The following GALNTL6 variants were observed in gnomAD, a reference collection of about 807,000 sequenced individuals.
GALNTL6 encodes polypeptide N-acetylgalactosaminyltransferase like 6.
GALNTL6 carries 46 observed loss-of-function variants against 73.7 expected under a neutral mutation model. That is an observed-to-expected ratio of 0.62 (90% CI 0.49 to 0.80). The LOEUF is 0.80. Ranked by LOEUF, GALNTL6 falls within the 30% of genes least tolerant of loss-of-function variation. The pLI, the probability that GALNTL6 is intolerant of heterozygous loss-of-function variation, is 0.00. For synonymous variants in GALNTL6, 259 were observed against 263.7 expected, an observed-to-expected ratio of 0.98 and a Z score of 0.17; for missense variants, 604 against 755.0, an observed-to-expected ratio of 0.80 and a Z score of 2.34.
chr4:172,424,897 T>C (rs1392568561), intron 5 of GALNTL6, among the ~76,000 whole-genome samples: 3 of 59,094 alleles, frequency 5.1e-5, no homozygotes, highest in African/African-American at 1.8e-4. Context: ...GAAATTTTAG[T>C]CATAGAAAAC....
At chr4:171,861,126 C>A (rs1488946768) in intron 2 of GALNTL6, among the ~76,000 whole-genome samples, 1 of 152,138 alleles carries the variant, frequency 6.6e-6, no homozygotes, top group African/African-American at 2.4e-5. Flanking sequence ...GCAGTCTAAG[C>A]CTCCTCAGCT....
chr4:172,378,320 C>T (rs1475622042), intron 5 of GALNTL6, among the ~76,000 whole-genome samples: 1 of 152,174 alleles, frequency 6.6e-6, no homozygotes, highest in East Asian at 1.9e-4. Flanking sequence ...GAAAAAGGAC[C>T]TTGCTTCAGC....
rs200716126 is a variant in GALNTL6, at chr4:172,540,187, A to T, written c.553+191498A>T. ...TGCCTCAGCCTCCCGAGTAGCTGGG[A>T]CTACAGGCGTATGCCACCAGGCCTG... On this transcript the variant is annotated intron_variant, in intron 5 of 12. Coordinates refer to ENST00000506823, the MANE Select transcript of GALNTL6 (RefSeq NM_001034845.3). Among the ~76,000 whole-genome samples the T allele has an allele frequency of 8.1e-4, 123 of 151,442 alleles. 3 individuals are homozygous for T. In the South Asian group the frequency reaches 0.017, roughly 21 times the overall value.
intron 5 of GALNTL6, among the ~76,000 whole-genome samples, chr4:172,800,418 A>T (rs548226768): frequency 6.6e-4 from 100 of 152,318 alleles, no homozygotes; most frequent in African/African-American, 2.4e-3. Flanking sequence ...ATTATGTGGT[A>T]TATTCTCCTA....
At chr4:172,168,774 A>G (rs1734717057) in intron 2 of GALNTL6, among the ~76,000 whole-genome samples, 1 of 152,196 alleles carries the variant, frequency 6.6e-6, no homozygotes, top group African/African-American at 2.4e-5. Flanking sequence ...ATTACAGGCC[A>G]AAACATAAAG....
chr4:172,573,784 C>A (rs748784660), intron 5 of GALNTL6, among the ~76,000 whole-genome samples: 12 of 152,094 alleles, frequency 7.9e-5, no homozygotes, highest in Non-Finnish European at 1.6e-4. Flanking sequence ...AATGTAAAAT[C>A]TTTTATTCAG....
intron 2 of GALNTL6, among the ~76,000 whole-genome samples, chr4:172,062,036 C>A (rs1465832671): frequency 6.7e-6 from 1 of 148,866 alleles, no homozygotes; most frequent in South Asian, 2.1e-4. Context: ...GCAACTTCTG[C>A]CCCCCCAGGT....
intron 10 of GALNTL6, among the ~76,000 whole-genome samples, chr4:172,988,165 C>G (rs1002253102): frequency 6.6e-6 from 1 of 152,094 alleles, no homozygotes; most frequent in Non-Finnish European, 1.5e-5. Context: ...ATTGTTGCAA[C>G]CAAAATGCCA....
At chr4:171,984,907 C>CT (rs1193978710) in intron 2 of GALNTL6, among the ~76,000 whole-genome samples, 1 of 151,800 alleles carries the variant, frequency 6.6e-6, no homozygotes, top group Non-Finnish European at 1.5e-5. Flanking sequence ...AATCCCAGCA[C>CT]TTTGGGAGGT....
intron 2 of GALNTL6, among the ~76,000 whole-genome samples, chr4:171,942,572 A>G (rs1327664137): frequency 6.6e-6 from 1 of 152,200 alleles, no homozygotes; most frequent in Non-Finnish European, 1.5e-5. Flanking sequence ...TCTGTTTATG[A>G]TTCATCTACT....
intron 5 of GALNTL6, among the ~76,000 whole-genome samples, chr4:172,557,463 C>T (rs535300403): frequency 2.6e-5 from 4 of 152,106 alleles, no homozygotes; most frequent in South Asian, 2.1e-4. Context: ...ATGCAAGGCA[C>T]GGACTGGGAG....
chr4:172,957,732 T>C (rs996784784), intron 10 of GALNTL6, among the ~76,000 whole-genome samples: 10 of 152,212 alleles, frequency 6.6e-5, no homozygotes, highest in African/African-American at 2.4e-4. Context: ...AGAGTCAGTA[T>C]AAATATTGAC....
intron 4 of GALNTL6, among the ~76,000 whole-genome samples, chr4:172,331,361 C>T (rs1197401297): frequency 6.6e-6 from 1 of 152,018 alleles, no homozygotes; most frequent in African/African-American, 2.4e-5. Context: ...CTCACTGCAA[C>T]CTCCACCTCC....
At chr4:171,880,929 T>C (rs1736429249) in intron 2 of GALNTL6, among the ~76,000 whole-genome samples, 1 of 152,204 alleles carries the variant, frequency 6.6e-6, no homozygotes, top group South Asian at 2.1e-4. Flanking sequence ...TGTACTAAGC[T>C]CGAAACTAAG....
At chr4:172,005,770 C>T (rs973359346) in intron 2 of GALNTL6, among the ~76,000 whole-genome samples, 5 of 152,058 alleles carry the variant, frequency 3.3e-5, no homozygotes, top group Admixed American at 2.0e-4. Flanking sequence ...CATGTGATTA[C>T]CATGGAGAGG....
intron 2 of GALNTL6, among the ~76,000 whole-genome samples, chr4:172,061,575 A>G (rs757926702): frequency 6.6e-6 from 1 of 152,218 alleles, no homozygotes; most frequent in Non-Finnish European, 1.5e-5. Flanking sequence ...GACTTTTGAA[A>G]TGTCCCAGAA....
chr4:171,988,056 G>A (rs1054940343), intron 2 of GALNTL6, among the ~76,000 whole-genome samples: 38 of 152,154 alleles, frequency 2.5e-4, no homozygotes, highest in African/African-American at 9.2e-4. Flanking sequence ...TGTAGAGAGT[G>A]AGTTGAGCAT....
At chr4:172,015,994 A>T (rs1741183494) in intron 2 of GALNTL6, among the ~76,000 whole-genome samples, 2 of 83,862 alleles carry the variant, frequency 2.4e-5, no homozygotes, top group African/African-American at 4.8e-5. Context: ...AGCTCTTAAG[A>T]TTCTTTCCTT....
intron 5 of GALNTL6, among the ~76,000 whole-genome samples, chr4:172,787,116 A>G (rs142908519): frequency 1.2e-3 from 177 of 152,300 alleles, no homozygotes; most frequent in Middle Eastern, 6.8e-3. Context: ...GGAAAACACA[A>G]AATTCCAGGA....
Sources: allele counts gnomAD v4.1 joint callset (sites outside exome capture counted in the v4.1 genomes callset), GRCh38; gene constraint gnomAD v4.1.1; transcripts MANE v1.5; gene names NCBI Gene and HGNC (gene_info 2026-07-23, HGNC 2026-07-21).